Variants in PDIA5 observed in about 807,000 individuals in gnomAD.
PDIA5 encodes protein disulfide isomerase family A member 5, also known as protein disulfide-isomerase A5.
PDIA5 carries 58 observed loss-of-function variants against 77.6 expected under a neutral mutation model. The observed-to-expected ratio is 0.75, with a 90% CI of 0.61 to 0.93. The LOEUF is 0.93. Ranked by LOEUF, PDIA5 falls within the 40% of genes least tolerant of loss-of-function variation. The probability of loss-of-function intolerance (pLI) is 0.00; values close to 1 mark genes in which losing one functional copy is unlikely to be tolerated. For synonymous variants in PDIA5, 250 were observed against 252.1 expected, an observed-to-expected ratio of 0.99 and a Z score of 0.08; for missense variants, 630 against 647.7, an observed-to-expected ratio of 0.97 and a Z score of 0.30.
At chr3:123,140,868 G>T (rs1350697459) in intron 11 of PDIA5, among the ~76,000 whole-genome samples, 2 of 152,208 alleles carry the variant, frequency 1.3e-5, no homozygotes, top group South Asian at 2.1e-4. Context: ...AGGTCTCCTG[G>T]TATTGACCCC....
intron 6 of PDIA5, among the ~76,000 whole-genome samples, chr3:123,107,131 T>C (rs1934755716): frequency 6.6e-6 from 1 of 152,240 alleles, no homozygotes; most frequent in African/African-American, 2.4e-5. Context: ...ATTTAAATGT[T>C]CTCTCTCTAT....
At chr3:123,083,764 T>C (rs1015896469) in intron 1 of PDIA5, among the ~76,000 whole-genome samples, 29 of 152,336 alleles carry the variant, frequency 1.9e-4, no homozygotes, top group African/African-American at 4.1e-4. Flanking sequence ...TTGTGACTTA[T>C]GAAGTCTGCA....
At chr3:123,123,999 T>C in intron 8 of PDIA5, 67 bp from the exon 9 acceptor site, 4 of 950,186 alleles carry the variant, frequency 4.2e-6, no homozygotes, top group Non-Finnish European at 6.9e-6. Flanking sequence ...GCTGGACAGA[T>C]GGCGTGTGGA....
chr3:123,098,354 G>GT (rs957815140), intron 3 of PDIA5, among the ~76,000 whole-genome samples: 1 of 152,046 alleles, frequency 6.6e-6, no homozygotes, highest in East Asian at 1.9e-4. Context: ...CCCAGACCTT[G>GT]TTTTTTCTCT....
At chr3:123,077,999 G>A (rs1374002473) in intron 1 of PDIA5, among the ~76,000 whole-genome samples, 5 of 152,046 alleles carry the variant, frequency 3.3e-5, no homozygotes, top group South Asian at 2.1e-4. Flanking sequence ...TAGTAGATAC[G>A]GGGTTTCACC....
intron 8 of PDIA5, among the ~76,000 whole-genome samples, chr3:123,119,682 T>C (rs1371571052): frequency 6.6e-6 from 1 of 152,142 alleles, no homozygotes; most frequent in Non-Finnish European, 1.5e-5. Flanking sequence ...TCAATTGCTT[T>C]TTGTCTTCAC....
At chr3:123,079,321 C>T (rs1449024197) in intron 1 of PDIA5, among the ~76,000 whole-genome samples, 2 of 151,788 alleles carry the variant, frequency 1.3e-5, no homozygotes, top group Non-Finnish European at 2.9e-5. Flanking sequence ...GCTGGGACTA[C>T]AGGCGCCCGC....
rs1204968496 is a variant in PDIA5, at chr3:123,161,301, C to A, written c.1345-20C>A. 6.2e-7 allele frequency: 1 copy of A among 1,611,934 alleles called. No homozygotes were observed. Among genetic ancestry groups the A allele is most frequent in the South Asian group, 1.1e-5 (1 of 90,748 alleles). ...AGCCTGGGGACACCCTGTGCCAACT[C>A]TCTTTACCTTGGCTCCTAGATTGCC... On this transcript the variant is annotated intron_variant, in intron 15 of 16. Coordinates refer to ENST00000316218, the MANE Select transcript of PDIA5 (RefSeq NM_006810.4).
At chr3:123,110,404 C>G (rs1006385872) in intron 6 of PDIA5, among the ~76,000 whole-genome samples, 3 of 152,072 alleles carry the variant, frequency 2.0e-5, no homozygotes, top group Non-Finnish European at 2.9e-5. Flanking sequence ...AGAGCTGGAG[C>G]CTGGGGAGAG....
chr3:123,115,585 G>A (rs1934974998), intron 7 of PDIA5, among the ~76,000 whole-genome samples: 2 of 152,216 alleles, frequency 1.3e-5, no homozygotes, highest in Admixed American at 1.3e-4. Flanking sequence ...AGAGAGAGGA[G>A]GTGACTTCTC....
chr3:123,075,562 T>C (rs753924343), intron 1 of PDIA5, among the ~76,000 whole-genome samples: 1 of 151,994 alleles, frequency 6.6e-6, no homozygotes, highest in Non-Finnish European at 1.5e-5. Context: ...AGAGCCTTTT[T>C]TGTGGTGGTT....
intron 1 of PDIA5, among the ~76,000 whole-genome samples, chr3:123,074,429 T>G (rs2107904257): frequency 6.6e-6 from 1 of 152,352 alleles, no homozygotes; most frequent in East Asian, 1.9e-4. Flanking sequence ...AGAATAATGT[T>G]TTTAAATGTA....
chr3:123,090,272 G>T (rs558503320), intron 2 of PDIA5, among the ~76,000 whole-genome samples: 2 of 152,332 alleles, frequency 1.3e-5, no homozygotes, highest in South Asian at 4.1e-4. Context: ...CTGCTGTCAG[G>T]AATAGGGGCG....
intron 6 of PDIA5, among the ~76,000 whole-genome samples, chr3:123,109,844 C>G (rs1309108078): frequency 6.6e-6 from 1 of 152,214 alleles, no homozygotes; most frequent in Admixed American, 6.5e-5. Context: ...TTGCTTCCCC[C>G]ACCCTTTAGT....
At chr3:123,106,869 GATGCT>G in intron 6 of PDIA5, 28 bp downstream of exon 6, 1 of 1,486,458 alleles carries the variant, frequency 6.7e-7, no homozygotes, top group Non-Finnish European at 9.3e-7. Flanking sequence ...AGTTCTGATG[GATGCT>G]GGAAGCTTCC....
At chr3:123,102,049 A>G (rs1041940345) in intron 3 of PDIA5, among the ~76,000 whole-genome samples, 7 of 151,118 alleles carry the variant, frequency 4.6e-5, no homozygotes, top group African/African-American at 1.7e-4. Flanking sequence ...AGCTGGGATT[A>G]CAGGCACGTA....
chr3:123,129,372 G>A (rs891946582), intron 10 of PDIA5, among the ~76,000 whole-genome samples: 1 of 152,240 alleles, frequency 6.6e-6, no homozygotes, highest in African/African-American at 2.4e-5. Flanking sequence ...GTGGGGCCCA[G>A]TCAGAAGGGC....
At position 123,089,357 on chromosome 3, in the gene PDIA5, G is replaced by A. The variant is rs1934228927; in HGVS notation, c.169+63G>A. 4.5e-6 allele frequency: 7 copies of A among 1,545,252 alleles called. No individual in the cohort carries two copies. The Admixed American group carries it at 1.0e-4, about 23-fold the overall frequency. On this transcript the variant is annotated intron_variant, in intron 2 of 16. Coordinates refer to ENST00000316218, the MANE Select transcript of PDIA5 (RefSeq NM_006810.4). ...GGTAGGATGGGATTCAGGGGAAGGA[G>A]TGGGAGGCAGGAGACGTTAGGATGA...
At chr3:123,089,402 C>T (rs1258592311) in intron 2 of PDIA5, 108 bp downstream of exon 2, 3 of 1,066,096 alleles carry the variant, frequency 2.8e-6, no homozygotes, top group Admixed American at 2.0e-5. Flanking sequence ...AGGGAGGGTC[C>T]AAGGGACATG....
Sources: gnomAD v4.1 joint callset for allele counts (sites outside exome capture counted in the v4.1 genomes callset) on GRCh38, gnomAD v4.1.1 for gene constraint, MANE v1.5 for transcripts, NCBI Gene and HGNC (gene_info 2026-07-23, HGNC 2026-07-21) for gene names.